The following AFF3 variants were observed in gnomAD, a reference collection of about 807,000 sequenced individuals.
AFF3 encodes the protein ALF transcription elongation factor 3.
Under a neutral mutation model 129.7 loss-of-function variants are expected in AFF3, and 32 were observed. The ratio of observed to expected loss-of-function variants is 0.25; its 90% CI spans 0.19 to 0.33. The LOEUF (loss-of-function observed/expected upper bound fraction) is 0.33. Among genes scored for constraint, AFF3 ranks in the 10% least tolerant of loss-of-function variants. The pLI is 1.00. For missense variants in AFF3, 1,373 were observed against 1,592.0 expected (o/e 0.86, Z 2.34); for synonymous variants, 644 against 635.4 (o/e 1.01, Z -0.20).
chr2:100,105,551 G>T lies in AFF3; in HGVS notation c.-112C>A, dbSNP rs759727006. 321 of 1,332,072 alleles carry T rather than the reference G, an allele frequency of 2.4e-4. 6 individuals are homozygous for T. Among genetic ancestry groups the T allele is most frequent in the South Asian group, 2.2e-3 (179 of 81,258 alleles). 82.5% of individuals were successfully genotyped at this position (1,332,072 alleles called of 1,614,324 possible). ...TCTGGGTGTCGACTTCAAACTTGCCGCCCGTCTCCGGTCTGGAAAGGCAGG... is the reference window on the plus strand; with the variant it reads ...TCTGGGTGTCGACTTCAAACTTGCCTCCCGTCTCCGGTCTGGAAAGGCAGG... On this transcript the variant is annotated 5_prime_UTR_variant, in exon 3 of 25. Coordinates refer to ENST00000672756, the MANE Select transcript of AFF3 (RefSeq NM_001386135.1).
chr2:99,596,923 C>T (rs2105022382), intron 14 of AFF3, among the ~76,000 whole-genome samples: 1 of 152,272 alleles, frequency 6.6e-6, no homozygotes, highest in Middle Eastern at 3.4e-3. Flanking sequence ...CAATAACCTC[C>T]TATTGCCTCT....
At chr2:100,051,367 G>A (rs35300735) in intron 4 of AFF3, among the ~76,000 whole-genome samples, 24,241 of 152,148 alleles carry the variant, frequency 0.16, 2,157 homozygotes, top group East Asian at 0.29. Flanking sequence ...ACTAGTTAAG[G>A]CGGGAGCTGA....
chr2:99,676,501 C>T (rs1328353612), intron 11 of AFF3, among the ~76,000 whole-genome samples: 5 of 152,174 alleles, frequency 3.3e-5, no homozygotes, highest in Non-Finnish European at 5.9e-5. Context: ...TCCTGGAGAA[C>T]TTACTCCACA....
intron 8 of AFF3, among the ~76,000 whole-genome samples, chr2:99,793,498 A>G (rs978908054): frequency 2.0e-5 from 3 of 152,296 alleles, no homozygotes; most frequent in South Asian, 2.1e-4. Flanking sequence ...TTTGGGGTAG[A>G]TTTGGTCATT....
chr2:99,634,050 G>A (rs1225891949), intron 13 of AFF3, among the ~76,000 whole-genome samples: 2 of 151,904 alleles, frequency 1.3e-5, no homozygotes, highest in African/African-American at 2.4e-5. Flanking sequence ...GAGTAGCTGG[G>A]ATTACAGGCA....
intron 14 of AFF3, among the ~76,000 whole-genome samples, chr2:99,596,151 A>G (rs755136254): frequency 1.3e-5 from 2 of 152,212 alleles, no homozygotes; most frequent in Admixed American, 6.5e-5. Flanking sequence ...CACCAGAGAA[A>G]TATGCAAATG....
chr2:99,618,534 C>A (rs1405791910), intron 13 of AFF3, among the ~76,000 whole-genome samples: 2 of 152,088 alleles, frequency 1.3e-5, no homozygotes, highest in Non-Finnish European at 2.9e-5. Context: ...CCGCACCCAG[C>A]CTCATAACAT....
chr2:99,588,190 T>G (rs1320396246), intron 15 of AFF3, among the ~76,000 whole-genome samples: 1 of 152,062 alleles, frequency 6.6e-6, no homozygotes, highest in Admixed American at 6.6e-5. Context: ...TTTTATTTGT[T>G]TATTTAGAGA....
chr2:99,628,284 T>A (rs979093658), intron 13 of AFF3, among the ~76,000 whole-genome samples: 46 of 152,188 alleles, frequency 3.0e-4, no homozygotes, highest in African/African-American at 1.0e-3. Context: ...TCACTTCCCT[T>A]GTTAGCTGTA....
intron 24 of AFF3, among the ~76,000 whole-genome samples, chr2:99,551,822 G>GA (rs1575322889): frequency 3.9e-5 from 6 of 152,176 alleles, no homozygotes; most frequent in Non-Finnish European, 1.5e-5. Flanking sequence ...TAACTCAAAT[G>GA]AATAGTATTT....
chr2:99,623,308 G>A (rs1682225236), intron 13 of AFF3, among the ~76,000 whole-genome samples: 1 of 152,098 alleles, frequency 6.6e-6, no homozygotes, highest in Non-Finnish European at 1.5e-5. Context: ...AGATAAAAGT[G>A]CCATCCTAGG....
intron 13 of AFF3, among the ~76,000 whole-genome samples, chr2:99,638,836 T>G (rs1683919036): frequency 6.6e-6 from 1 of 152,206 alleles, no homozygotes; most frequent in Non-Finnish European, 1.5e-5. Context: ...TCCAGTTAGG[T>G]GGCATTAAGT....
intron 2 of AFF3, among the ~76,000 whole-genome samples, chr2:100,121,859 G>T (rs900894249): frequency 6.6e-6 from 1 of 151,758 alleles, no homozygotes; most frequent in African/African-American, 2.4e-5. Context: ...TCAGGAGATC[G>T]AGACCATCCT....
intron 11 of AFF3, chr2:99,707,774 C>T: frequency 2.1e-6 from 1 of 474,824 alleles, no homozygotes; most frequent in Non-Finnish European, 2.7e-6. Context: ...CATCCTATGA[C>T]CTCAGTTTTA....
chr2:100,071,483 G>C (rs1309573315), intron 4 of AFF3, among the ~76,000 whole-genome samples: 2 of 152,148 alleles, frequency 1.3e-5, no homozygotes, highest in Non-Finnish European at 2.9e-5. Context: ...ACTTAGATCT[G>C]AAAAACACAC....
chr2:99,932,067 C>G lies in AFF3; in HGVS notation c.873+74565G>C, dbSNP rs76105615. The stretch of plus-strand genomic sequence containing the variant: ...CTAGGTGCATTTACCTTCCTTAATA[C>G]AGCACTGTGATCACATATATGATGG... On this transcript the variant is annotated intron_variant, in intron 7 of 24. Transcript: ENST00000672756. 3.0e-3 allele frequency among the ~76,000 whole-genome samples: 461 copies of G among 152,328 alleles called. 4 individuals carry two copies. The highest frequency in any genetic ancestry group is 0.01 in the African/African-American group (434 of 41,556).
chr2:99,795,108 T>C (rs574975739), intron 8 of AFF3, among the ~76,000 whole-genome samples: 5 of 152,212 alleles, frequency 3.3e-5, no homozygotes, highest in Admixed American at 3.3e-4. Context: ...ACAATAGCAA[T>C]GATATGGAAT....
chr2:99,989,470 C>A (rs948959275), intron 7 of AFF3, among the ~76,000 whole-genome samples: 1 of 152,214 alleles, frequency 6.6e-6, no homozygotes, highest in African/African-American at 2.4e-5. Flanking sequence ...GAACAGAATA[C>A]AGGGCTGAGC....
intron 11 of AFF3, among the ~76,000 whole-genome samples, chr2:99,693,388 A>G (rs942715280): frequency 1.3e-5 from 2 of 152,140 alleles, no homozygotes; most frequent in Non-Finnish European, 2.9e-5. Flanking sequence ...CAAAAACTGG[A>G]TATGCCCAAA....
Sources: gnomAD v4.1 joint callset for allele counts (sites outside exome capture counted in the v4.1 genomes callset) on GRCh38, gnomAD v4.1.1 for gene constraint, MANE v1.5 for transcripts, NCBI Gene and HGNC (gene_info 2026-07-23, HGNC 2026-07-21) for gene names.